Variants in ERCC6L2 observed in about 807,000 individuals in gnomAD.
ERCC6L2 encodes ERCC excision repair 6 like 2.
ERCC6L2 carries 77 observed loss-of-function variants against 132.0 expected under a neutral mutation model. The ratio of observed to expected loss-of-function variants is 0.58; its 90% CI spans 0.49 to 0.71. ERCC6L2 has a LOEUF of 0.71. Among genes scored for constraint, ERCC6L2 ranks in the 30% least tolerant of loss-of-function variants. ERCC6L2 has a pLI of 0.00. For missense variants in ERCC6L2, 1,542 were observed against 1,837.6 expected (o/e 0.84, Z 2.94); for synonymous variants, 583 against 632.4 (o/e 0.92, Z 1.17).
At chr9:96,021,801 T>G (rs1342649179), downstream of ERCC6L2, 2 of 152,304 alleles carry the variant, frequency 1.3e-5, no homozygotes, top group Non-Finnish European at 2.9e-5. The surrounding 1 kb of genome is among the most constrained non-coding windows in gnomAD (Gnocchi z 4.7). Flanking sequence ...GCCGGCAGGG[T>G]CGGCGGGACT....
chr9:96,012,492 G>A lies in ERCC6L2; in HGVS notation c.3942G>A (p.Leu1314=), dbSNP rs1253122733. The part of the protein sequence containing the change: ...IKPRLSDSET[L]SFKDSTNKIS... ...CAAGGCTGTCAGATTCTGAAACCTT[G>A]TCATTTAAAGATTCTACCAACAAAA... Residue 1314 remains leucine, a synonymous_variant, in exon 19 of 19, where the codon TTG becomes TTA. Coordinates refer to ENST00000653738, the MANE Select transcript of ERCC6L2 (RefSeq NM_020207.7). 1 of 1,367,420 alleles carries A rather than the reference G, an allele frequency of 7.3e-7. No individual in the cohort carries two copies. Among genetic ancestry groups the A allele is most frequent in the Non-Finnish European group, 9.8e-7 (1 of 1,021,794 alleles). 84.7% of individuals were successfully genotyped at this position (1,367,420 alleles called of 1,614,324 possible).
chr9:95,973,835 A>T (rs949929628), intron 16 of ERCC6L2, among the ~76,000 whole-genome samples: 1 of 152,144 alleles, frequency 6.6e-6, no homozygotes, highest in South Asian at 2.1e-4. Flanking sequence ...TTTTTAATCT[A>T]CAGGAATCCT....
chr9:95,922,453 ATTG>A (rs762295755), intron 8 of ERCC6L2, 35 bp downstream of exon 8: 1 of 1,181,744 alleles, frequency 8.5e-7, no homozygotes, highest in Non-Finnish European at 1.2e-6. Context: ...TTGTGATGCT[ATTG>A]TTGTGAATAT....
At chr9:95,980,888 A>G (rs765961944) in intron 17 of ERCC6L2, among the ~76,000 whole-genome samples, 25 of 152,160 alleles carry the variant, frequency 1.6e-4, no homozygotes, top group Non-Finnish European at 3.7e-4. Context: ...ATGTTACAGT[A>G]TCTTTCATCT....
chr9:95,943,016 A>G (rs1324731821), intron 12 of ERCC6L2, among the ~76,000 whole-genome samples: 1 of 152,188 alleles, frequency 6.6e-6, no homozygotes, highest in African/African-American at 2.4e-5. Context: ...TCAGCATTAT[A>G]GGATTCTAGA....
chr9:95,977,055 A>G (rs1436334159), intron 16 of ERCC6L2, among the ~76,000 whole-genome samples: 1 of 150,648 alleles, frequency 6.6e-6, no homozygotes, highest in East Asian at 1.9e-4. Flanking sequence ...AAACTTTTTT[A>G]AATAATCAAC....
intron 17 of ERCC6L2, among the ~76,000 whole-genome samples, chr9:95,979,485 C>A (rs773894011): frequency 2.6e-5 from 4 of 152,162 alleles, no homozygotes. Flanking sequence ...CTAGCACTCA[C>A]TTTGAAGGAA....
intron 2 of ERCC6L2, among the ~76,000 whole-genome samples, chr9:95,893,470 C>T (rs755715883): frequency 3.9e-5 from 6 of 152,112 alleles, no homozygotes; most frequent in East Asian, 3.8e-4. Context: ...ACTCATAAAA[C>T]GAGGTCACAG....
chr9:95,941,074 T>A (rs1261233734), intron 11 of ERCC6L2, among the ~76,000 whole-genome samples: 1 of 152,210 alleles, frequency 6.6e-6, no homozygotes, highest in East Asian at 1.9e-4. Flanking sequence ...AAGAATAAGA[T>A]GTGCATCTAT....
chr9:95,941,660 C>G, intron 12 of ERCC6L2, 111 bp downstream of exon 12: 1 of 741,982 alleles, frequency 1.3e-6, no homozygotes, highest in Non-Finnish European at 2.2e-6. Flanking sequence ...AAGGGGGAAA[C>G]TGGTAAAAAC....
At chr9:95,897,380 A>G (rs549658553) in intron 2 of ERCC6L2, among the ~76,000 whole-genome samples, 22 of 152,298 alleles carry the variant, frequency 1.4e-4, no homozygotes, top group African/African-American at 4.8e-4. Flanking sequence ...ACATTAATGA[A>G]TTAGTCTGTC....
rs1363045193 is a variant in ERCC6L2 at position 95,972,997 on chromosome 9, T to C, written c.3246T>C (p.Asn1082=). 7.4e-7 allele frequency: 1 copy of C among 1,356,198 alleles called. No homozygotes were observed. The highest frequency in any genetic ancestry group is 9.8e-7 in the Non-Finnish European group (1 of 1,016,216). The allele number at this position is 1,356,198 out of a possible 1,614,324, so 84.0% of individuals were successfully genotyped here. A position where few individuals can be genotyped will look rare whatever the true frequency, so the allele number is the denominator to read the frequency against. The change falls in exon 16 of 19, where the codon AAT becomes AAC. Residue 1082 remains asparagine (N), a synonymous_variant. Coordinates refer to ENST00000653738, the MANE Select transcript of ERCC6L2 (RefSeq NM_020207.7). The stretch of plus-strand genomic sequence containing the variant: ...AATTGCCTAGCCATAATAAGAAAAA[T>C]AGCACTTTTATTCCAAGAAAACCAA... The part of the protein sequence containing the change: ...SSKLPSHNKK[N]STFIPRKPMK...
At chr9:96,006,967 T>C (rs1268117122) in intron 18 of ERCC6L2, among the ~76,000 whole-genome samples, 1 of 152,140 alleles carries the variant, frequency 6.6e-6, no homozygotes, top group Non-Finnish European at 1.5e-5. Flanking sequence ...TCAGCAAGCT[T>C]CAGTTGCTCT....
intron 2 of ERCC6L2, among the ~76,000 whole-genome samples, chr9:95,896,273 C>A (rs1172121395): frequency 6.6e-6 from 1 of 151,918 alleles, no homozygotes; most frequent in Non-Finnish European, 1.5e-5. Flanking sequence ...GAATATCATC[C>A]GTAGGTATAA....
At chr9:95,976,106 A>G (rs893155875) in intron 16 of ERCC6L2, among the ~76,000 whole-genome samples, 1 of 151,994 alleles carries the variant, frequency 6.6e-6, no homozygotes, top group Admixed American at 6.6e-5. Context: ...TTTCCCCTGA[A>G]TTTTACAAAT....
chr9:95,951,260 C>G (rs1291952265), intron 12 of ERCC6L2, among the ~76,000 whole-genome samples: 1 of 152,078 alleles, frequency 6.6e-6, no homozygotes, highest in African/African-American at 2.4e-5. Context: ...TAGAAAATAG[C>G]TTGAAACAAA....
At chr9:95,993,483 T>TG (rs1833370812) in intron 17 of ERCC6L2, among the ~76,000 whole-genome samples, 1 of 152,146 alleles carries the variant, frequency 6.6e-6, no homozygotes, top group Non-Finnish European at 1.5e-5. Context: ...CCCAGGGAGA[T>TG]GGAGTTCCTG....
intron 17 of ERCC6L2, among the ~76,000 whole-genome samples, chr9:95,994,157 T>A (rs1833395430): frequency 6.6e-6 from 1 of 152,158 alleles, no homozygotes; most frequent in South Asian, 2.1e-4. Flanking sequence ...GATGGCAGAG[T>A]TGGCATGATC....
At chr9:95,954,454 G>A (rs556798656) in intron 12 of ERCC6L2, among the ~76,000 whole-genome samples, 6 of 152,108 alleles carry the variant, frequency 3.9e-5, no homozygotes, top group Non-Finnish European at 7.4e-5. Flanking sequence ...TCTGACAGCC[G>A]GAACTGAGAA....
Sources: allele counts gnomAD v4.1 joint callset (sites outside exome capture counted in the v4.1 genomes callset), GRCh38; gene constraint gnomAD v4.1.1; non-coding constraint Gnocchi (gnomAD v3.1); transcripts MANE v1.5; gene names NCBI Gene and HGNC (gene_info 2026-07-23, HGNC 2026-07-21).